GDPD1: variants seen among roughly 807,000 people sequenced by gnomAD.
GDPD1 encodes the protein glycerophosphodiester phosphodiesterase domain containing 1, also known as lysophospholipase D GDPD1.
GDPD1 carries 28 observed loss-of-function variants against 45.1 expected under a neutral mutation model. That is an observed-to-expected ratio of 0.62 (90% CI 0.46 to 0.85). The LOEUF (loss-of-function observed/expected upper bound fraction) is 0.85. Among genes scored for constraint, GDPD1 ranks in the 40% least tolerant of loss-of-function variants. The pLI, the probability that GDPD1 is intolerant of heterozygous loss-of-function variation, is 0.00. For synonymous variants in GDPD1, 139 were observed against 131.4 expected (o/e 1.06, Z -0.40); for missense variants, 256 against 364.8 (o/e 0.70, Z 2.43).
chr17:59,221,160 C>G (rs543170369), intron 1 of GDPD1, among the ~76,000 whole-genome samples: 1 of 152,006 alleles, frequency 6.6e-6, no homozygotes, highest in East Asian at 1.9e-4. Flanking sequence ...CTGCTCCGAG[C>G]GAGCTAGTGG....
chr17:59,222,531 T>TTTTTTTTTGGTAA (rs2047014281), intron 1 of GDPD1, among the ~76,000 whole-genome samples: 1 of 98,844 alleles, frequency 1.0e-5, no homozygotes, highest in African/African-American at 4.4e-5. Flanking sequence ...TTTTTTTTTT[T>TTTTTTTTTGGTAA]GAGACAGAGT....
chr17:59,270,959 C>A lies in GDPD1; in HGVS notation c.734C>A (p.Ser245Tyr). ...ILKLKEPHTM[S>Y]RSQKFLIWLS... The stretch of plus-strand genomic sequence containing the variant: ...AGGCTAAAAGAACCACACACCATGT[C>A]CAGAAGTCAAAAGTTTCTCATCTGG... Residue 245 changes from serine to tyrosine, a missense_variant, in exon 8 of 10, where the codon TCC becomes TAC. Transcript: ENST00000284116. 6.2e-7 allele frequency: 1 copy of A among 1,604,528 alleles called. No individual in the cohort carries two copies. The highest frequency in any genetic ancestry group is 8.5e-7 in the Non-Finnish European group (1 of 1,174,184).
intron 4 of GDPD1, among the ~76,000 whole-genome samples, chr17:59,253,646 GTAA>G (rs2047273183): frequency 1.3e-5 from 2 of 151,964 alleles, no homozygotes; most frequent in African/African-American, 4.8e-5. Context: ...TGACCTTTTT[GTAA>G]ACTGATTCTT....
At chr17:59,236,507 T>G (rs1364434217) in intron 2 of GDPD1, among the ~76,000 whole-genome samples, 3 of 152,016 alleles carry the variant, frequency 2.0e-5, no homozygotes, top group African/African-American at 7.2e-5. Flanking sequence ...TTGTTGTTTG[T>G]TTGTTTGAGA....
Position 59,222,082 on chromosome 17 carries a change from C to G in GDPD1, c.142+1331C>G, listed in dbSNP as rs75024265. On this transcript the variant is annotated intron_variant, in intron 1 of 9. Coordinates refer to ENST00000284116, the MANE Select transcript of GDPD1 (RefSeq NM_182569.4). Reference sequence around the variant, plus strand: ...CTGTTTTAATAGCTACCTGGTTAAACTGTAGGATGACATTTAACTACTAAG... The same window carrying G: ...CTGTTTTAATAGCTACCTGGTTAAAGTGTAGGATGACATTTAACTACTAAG... Among the ~76,000 whole-genome samples the G allele has an allele frequency of 9.7e-4, 148 of 152,276 alleles. 3 individuals carry two copies. The East Asian group carries it at 0.027, about 28-fold the overall frequency.
chr17:59,272,440 A>G (rs1334105484), intron 8 of GDPD1, among the ~76,000 whole-genome samples: 1 of 152,224 alleles, frequency 6.6e-6, no homozygotes. Context: ...AGGAACACAC[A>G]TTAATAGTAA....
intron 6 of GDPD1, among the ~76,000 whole-genome samples, chr17:59,262,639 G>T (rs9907562): frequency 0.08 from 11,451 of 143,562 alleles, 1,058 homozygotes; most frequent in African/African-American, 0.21. Flanking sequence ...GTTTTTTTTT[G>T]TTTTTTTTTT....
At chr17:59,268,441 TG>T (rs2047415393) in intron 7 of GDPD1, among the ~76,000 whole-genome samples, 1 of 150,570 alleles carries the variant, frequency 6.6e-6, no homozygotes, top group Non-Finnish European at 1.5e-5. Flanking sequence ...TCTCCGGGCG[TG>T]GTGGCGGGCG....
chr17:59,261,405 C>T (rs564951175), intron 6 of GDPD1, among the ~76,000 whole-genome samples: 38 of 152,196 alleles, frequency 2.5e-4, no homozygotes, highest in Non-Finnish European at 4.4e-4. Context: ...CCATAACTCC[C>T]AGCAATCTTA....
rs2047398768 is a variant in GDPD1 at position 59,266,304 on chromosome 17, C to T, written c.577-737C>T. Among the ~76,000 whole-genome samples, 3 of 149,222 alleles carry T rather than the reference C, an allele frequency of 2.0e-5. No homozygotes were observed. The South Asian group carries it at 6.3e-4, about 31-fold the overall frequency. On this transcript the variant is annotated intron_variant, in intron 6 of 9. Coordinates refer to ENST00000284116, the MANE Select transcript of GDPD1 (RefSeq NM_182569.4). ...TTGGGGGGCTGAGGCAGGAGAATTGCTTGAACTCAGGAGGCAGAGGTTTCA... is the reference window on the plus strand; with the variant it reads ...TTGGGGGGCTGAGGCAGGAGAATTGTTTGAACTCAGGAGGCAGAGGTTTCA...
intron 4 of GDPD1, among the ~76,000 whole-genome samples, chr17:59,250,624 A>AT (rs1431574756): frequency 6.8e-6 from 1 of 146,692 alleles, no homozygotes; most frequent in African/African-American, 2.6e-5. Flanking sequence ...AAAAAAAAAA[A>AT]AAAAAAAATC....
At position 59,267,139 on chromosome 17, in the gene GDPD1, G is replaced by C; in HGVS notation, c.675G>C (p.Gln225His). The C allele has an allele frequency of 1.9e-6, 3 of 1,613,996 alleles. No individual in the cohort carries two copies. Among genetic ancestry groups the C allele is most frequent in the Non-Finnish European group, 2.5e-6 (3 of 1,179,934 alleles). ...GLLPFVPIRE[Q>H]FFEIPMPSII... Reference sequence around the variant, plus strand: ...TGCCCTTTGTGCCCATTCGAGAACAGTTTTTTGAAATCCCAATGCCTTCTA... The same window carrying C: ...TGCCCTTTGTGCCCATTCGAGAACACTTTTTTGAAATCCCAATGCCTTCTA... The change falls in exon 7 of 10, where the codon CAG (glutamine) becomes CAC (histidine). Residue 225 changes from glutamine to histidine, a missense_variant. Physicochemically the swap from Gln to His is conservative, Grantham distance 24. Transcript: ENST00000284116.
rs141386236 is a variant in GDPD1 at position 59,239,548 on chromosome 17, A to G, written c.185+5014A>G. Among the ~76,000 whole-genome samples the G allele has an allele frequency of 1.1e-3, 166 of 152,232 alleles. 1 individual carries two copies. Among genetic ancestry groups the G allele is most frequent in the African/African-American group, 3.8e-3 (157 of 41,550 alleles). On this transcript the variant is annotated intron_variant, in intron 2 of 9. Coordinates refer to ENST00000284116, the MANE Select transcript of GDPD1 (RefSeq NM_182569.4). ...TTCTCACTGTGTTCTAGCTATTTAC[A>G]TATCAAATTTGGGATAATTTTACTA...
At chr17:59,261,022 G>T (rs1033238585) in intron 6 of GDPD1, among the ~76,000 whole-genome samples, 1 of 152,180 alleles carries the variant, frequency 6.6e-6, no homozygotes, top group African/African-American at 2.4e-5. Flanking sequence ...CTGGAGTGCA[G>T]TTGCATGATT....
rs186024602 is a variant in GDPD1 at position 59,256,809 on chromosome 17, T to A, written c.368-313T>A. On this transcript the variant is annotated intron_variant, in intron 4 of 9. Coordinates refer to ENST00000284116, the MANE Select transcript of GDPD1 (RefSeq NM_182569.4). ...TCTGTAGTTATCTCAAAATAAAAAA[T>A]TAATAAATCATAATCATAAGCACAG... Among the ~76,000 whole-genome samples, 507 of 152,266 alleles carry A rather than the reference T, an allele frequency of 3.3e-3. 4 individuals are homozygous for A. The highest frequency in any genetic ancestry group is 0.012 in the African/African-American group (478 of 41,546).
At chr17:59,238,554 C>T in intron 2 of GDPD1, among the ~76,000 whole-genome samples, 1 of 151,830 alleles carries the variant, frequency 6.6e-6, no homozygotes, top group Non-Finnish European at 1.5e-5. Flanking sequence ...GCTGGGACTA[C>T]AGGCGCATGC....
chr17:59,232,511 G>A (rs368556873), intron 1 of GDPD1, among the ~76,000 whole-genome samples: 7 of 152,028 alleles, frequency 4.6e-5, no homozygotes, highest in African/African-American at 7.2e-5. Flanking sequence ...AGTTTTTAAC[G>A]TTGATCATGA....
At position 59,220,591 on chromosome 17, in the gene GDPD1, T is replaced by G. The variant is rs746903888; in HGVS notation, c.-19T>G. 1.1e-5 allele frequency: 17 copies of G among 1,611,144 alleles called. No homozygotes were observed. In the South Asian group the frequency reaches 1.7e-4, roughly 16 times the overall value. On this transcript the variant is annotated 5_prime_UTR_variant, in exon 1 of 10. Coordinates refer to ENST00000284116, the MANE Select transcript of GDPD1 (RefSeq NM_182569.4). ...TTCAGAGGGCCCGGAGGTGGGAGAC[T>G]TCCCACACGGTGACTGAGATGTCGT... is the stretch of plus-strand genomic sequence containing the variant.
At chr17:59,237,747 C>G (rs1447578865) in intron 2 of GDPD1, among the ~76,000 whole-genome samples, 1 of 151,894 alleles carries the variant, frequency 6.6e-6, no homozygotes, top group Non-Finnish European at 1.5e-5. Context: ...GAAGGGCTGT[C>G]ATTTGAAGAC....
Sources: allele counts gnomAD v4.1 joint callset (sites outside exome capture counted in the v4.1 genomes callset), GRCh38; gene constraint gnomAD v4.1.1; transcripts MANE v1.5; gene names NCBI Gene and HGNC (gene_info 2026-07-23, HGNC 2026-07-21).